MLF1: variants seen among roughly 807,000 people sequenced by gnomAD.
The protein encoded by MLF1 is myeloid leukemia factor 1.
Under a neutral mutation model 38.3 loss-of-function variants are expected in MLF1, and 37 were observed. The observed-to-expected ratio is 0.96, with a 90% CI of 0.74 to 1.27. The LOEUF is 1.27. Ranked by LOEUF, MLF1 falls within the 50% of genes most tolerant of loss-of-function variation. The pLI, the probability that MLF1 is intolerant of heterozygous loss-of-function variation, is 0.00. For missense variants in MLF1, 331 were observed against 349.2 expected, an observed-to-expected ratio of 0.95 and a Z score of 0.42; for synonymous variants, 95 against 106.5, an observed-to-expected ratio of 0.89 and a Z score of 0.66.
chr3:158,575,683 T>C (rs1044375440), intron 1 of MLF1, among the ~76,000 whole-genome samples: 4 of 152,144 alleles, frequency 2.6e-5, no homozygotes, highest in Non-Finnish European at 5.9e-5. Context: ...GGGTGGGTCA[T>C]AGAGTCAGTA....
At chr3:158,595,492 T>C (rs79577431) in intron 3 of MLF1, among the ~76,000 whole-genome samples, 7 of 152,128 alleles carry the variant, frequency 4.6e-5, no homozygotes, top group African/African-American at 1.7e-4. Flanking sequence ...TCTTTTCCTC[T>C]CTCTCTTTTT....
At position 158,588,753 on chromosome 3, in the gene MLF1, G is replaced by A. The variant is rs537462657; in HGVS notation, c.48-3681G>A. On this transcript the variant is annotated intron_variant, in intron 1 of 7. Coordinates refer to ENST00000466246, the MANE Select transcript of MLF1 (RefSeq NM_001369783.1). ...GCATCATAAAAAACAGATATTTATA[G>A]ATATTCGCAAAATTTTGAGACCACA... is the stretch of plus-strand genomic sequence containing the variant. 2.5e-3 allele frequency: 926 copies of A among 376,270 alleles called. 2 individuals are homozygous for A. Among genetic ancestry groups the A allele is most frequent in the Non-Finnish European group, 3.9e-3 (744 of 191,596 alleles). 23.3% of individuals were successfully genotyped at this position (376,270 alleles called of 1,614,324 possible). A position where few individuals can be genotyped will look rare whatever the true frequency, so the allele number is the denominator to read the frequency against.
At chr3:158,601,266 C>T (rs1396548900) in intron 6 of MLF1, among the ~76,000 whole-genome samples, 1 of 151,926 alleles carries the variant, frequency 6.6e-6, no homozygotes, top group Non-Finnish European at 1.5e-5. Flanking sequence ...AACCCCATCT[C>T]TACTAAAAAT....
At chr3:158,603,597 G>A (rs1025229835) in intron 7 of MLF1, among the ~76,000 whole-genome samples, 3 of 152,096 alleles carry the variant, frequency 2.0e-5, no homozygotes, top group East Asian at 3.9e-4. Flanking sequence ...CAGCACTTCC[G>A]GAGGCCGAGG....
Position 158,598,164 on chromosome 3 carries a change from A to C in MLF1, c.409A>C (p.Lys137Gln), listed in dbSNP as rs774061362. The change falls in exon 5 of 8, where the codon AAG becomes CAG. Residue 137 changes from lysine (K) to glutamine (Q), a missense_variant. Transcript: ENST00000466246. ...TTCCAAAATAGGAGATGAACCGCCAAAGGTTTTTCAGGCCTCAACTCAAAC... is the reference window on the plus strand; with the variant it reads ...TTCCAAAATAGGAGATGAACCGCCACAGGTTTTTCAGGCCTCAACTCAAAC... ...TYSKIGDEPP[K>Q]VFQASTQTRR... 2 of 1,613,952 alleles carry C rather than the reference A, an allele frequency of 1.2e-6. No homozygotes were observed. Among genetic ancestry groups the C allele is most frequent in the East Asian group, 4.5e-5 (2 of 44,862 alleles).
chr3:158,588,636 C>A (rs529019368), intron 1 of MLF1, among the ~76,000 whole-genome samples: 10 of 143,782 alleles, frequency 7.0e-5, no homozygotes, highest in Admixed American at 2.8e-4. Context: ...CAGAAAAAAA[C>A]TGCCCTCATT....
In MLF1 at chr3:158,571,279, C is replaced by A. The variant is rs115990924; in HGVS notation, c.-22C>A. The A allele has an allele frequency of 9.7e-4, 1,542 of 1,595,030 alleles. 13 individuals carry two copies. In the African/African-American group the frequency reaches 0.019, roughly 20 times the overall value. On this transcript the variant is annotated 5_prime_UTR_variant, in exon 1 of 8. Coordinates refer to ENST00000466246, the MANE Select transcript of MLF1 (RefSeq NM_001369783.1). ...GTTTTTCCAATCTGTCCGCGGCTGC[C>A]GCCACCCAAGACAGAGCCAGAATGT...
In MLF1 at chr3:158,600,025, C is replaced by T. The variant is rs1719503852; in HGVS notation, c.465C>T (p.Thr155=). The T allele has an allele frequency of 5.0e-6, 7 of 1,396,932 alleles. No homozygotes were observed. The highest frequency in any genetic ancestry group is 6.5e-6 in the Non-Finnish European group (7 of 1,069,370). 86.5% of individuals were successfully genotyped at this position (1,396,932 alleles called of 1,614,324 possible). Residue 155 remains threonine, a synonymous_variant, in exon 6 of 8, where the codon ACC becomes ACT. Coordinates refer to ENST00000466246, the MANE Select transcript of MLF1 (RefSeq NM_001369783.1). ...CTTTATTTTTACAGATAAAGGAAACCAGGAAAGCAATGAGAGATTCTGACA... is the reference window on the plus strand; with the variant it reads ...CTTTATTTTTACAGATAAAGGAAACTAGGAAAGCAATGAGAGATTCTGACA... ...TRRAPGGIKE[T]RKAMRDSDSG...
chr3:158,592,065 T>A (rs1718233875), intron 1 of MLF1, among the ~76,000 whole-genome samples: 1 of 152,188 alleles, frequency 6.6e-6, no homozygotes, highest in Non-Finnish European at 1.5e-5. Context: ...GGCAACATCA[T>A]CTAACATAAA....
intron 1 of MLF1, among the ~76,000 whole-genome samples, chr3:158,591,648 A>G (rs567275377): frequency 6.5e-4 from 99 of 152,252 alleles, no homozygotes; most frequent in Middle Eastern, 3.4e-3. Flanking sequence ...AGCTCCAATC[A>G]TGGTGTACCT....
At chr3:158,578,398 T>C (rs1203922708) in intron 1 of MLF1, among the ~76,000 whole-genome samples, 1 of 151,894 alleles carries the variant, frequency 6.6e-6, no homozygotes, top group Non-Finnish European at 1.5e-5. Context: ...TGTGTGTGTG[T>C]GTGTACATAT....
chr3:158,571,609 T>G, intron 1 of MLF1, among the ~76,000 whole-genome samples: 2 of 92,280 alleles, frequency 2.2e-5, no homozygotes, highest in Non-Finnish European at 4.3e-5. Context: ...CGGAGGGAAG[T>G]TTGGGGGCGT....
chr3:158,591,600 T>G (rs1718155891), intron 1 of MLF1, among the ~76,000 whole-genome samples: 2 of 152,186 alleles, frequency 1.3e-5, no homozygotes, highest in Admixed American at 1.3e-4. Context: ...GGAGTTCCAC[T>G]GGGCTGCAGG....
At chr3:158,589,307 G>A (rs1717781403) in intron 1 of MLF1, among the ~76,000 whole-genome samples, 1 of 152,030 alleles carries the variant, frequency 6.6e-6, no homozygotes, top group South Asian at 2.1e-4. Context: ...CACTTCCCGG[G>A]TTTAAGTGAT....
intron 6 of MLF1, among the ~76,000 whole-genome samples, chr3:158,601,292 C>T (rs537156064): frequency 2.0e-5 from 3 of 151,660 alleles, no homozygotes; most frequent in Admixed American, 1.3e-4. Flanking sequence ...AATCAGGGCC[C>T]GGCACAGTGA....
At chr3:158,588,958 G>A (rs1429199851) in intron 1 of MLF1, 1 of 451,748 alleles carries the variant, frequency 2.2e-6, no homozygotes, top group East Asian at 7.0e-5. Context: ...TTGGGCCAGA[G>A]AAAACCAAGT....
intron 1 of MLF1, chr3:158,590,793 A>G (rs1221105501): frequency 4.4e-6 from 2 of 455,960 alleles, no homozygotes; most frequent in Admixed American, 4.7e-5. Flanking sequence ...CTACATCTTA[A>G]TTATGGTGGA....
At chr3:158,590,588 A>T (rs1576668476) in intron 1 of MLF1, among the ~76,000 whole-genome samples, 2 of 152,232 alleles carry the variant, frequency 1.3e-5, no homozygotes, top group Non-Finnish European at 2.9e-5. Context: ...AGAGAACAAC[A>T]TGGATGAATC....
At chr3:158,594,451 C>G (rs927032872) in intron 3 of MLF1, among the ~76,000 whole-genome samples, 1 of 138,036 alleles carries the variant, frequency 7.2e-6, no homozygotes, top group South Asian at 2.5e-4. Context: ...GAAGAGGTAA[C>G]CAGAGACTTC....
Sources: allele counts gnomAD v4.1 joint callset (sites outside exome capture counted in the v4.1 genomes callset), GRCh38; gene constraint gnomAD v4.1.1; transcripts MANE v1.5; gene names NCBI Gene and HGNC (gene_info 2026-07-23, HGNC 2026-07-21).